CPLANE1: variants seen among roughly 807,000 people sequenced by gnomAD.
The protein encoded by CPLANE1 is ciliogenesis and planar polarity effector complex subunit 1, also known as ciliogenesis and planar polarity effector 1.
Under a neutral mutation model 362.5 loss-of-function variants are expected in CPLANE1, and 263 were observed. The observed-to-expected ratio is 0.73, with a 90% CI of 0.66 to 0.80. The LOEUF is 0.80. CPLANE1 is among the 30% of genes least tolerant of loss of function. The probability of loss-of-function intolerance (pLI) is 0.00; values close to 1 mark genes in which losing one functional copy is unlikely to be tolerated. For synonymous variants in CPLANE1, 1,212 were observed against 1,302.6 expected (o/e 0.93, Z 1.50); for missense variants, 3,461 against 3,793.4 (o/e 0.91, Z 2.30).
At chr5:37,212,235 A>C (rs553015240) in intron 16 of CPLANE1, 21 of 1,449,762 alleles carry the variant, frequency 1.4e-5, no homozygotes, top group Middle Eastern at 1.7e-4. Flanking sequence ...GAAATACATG[A>C]AAATCATCCA....
intron 47 of CPLANE1, among the ~76,000 whole-genome samples, 170 bp from the exon 48 acceptor site, chr5:37,122,658 T>G (rs57591687): frequency 0.016 from 2,360 of 152,218 alleles, 48 homozygotes; most frequent in African/African-American, 0.047. Flanking sequence ...GTAATTAAAG[T>G]AAAAACCAAT....
intron 34 of CPLANE1, among the ~76,000 whole-genome samples, chr5:37,167,726 T>C (rs1778666014): frequency 6.6e-6 from 1 of 152,164 alleles, no homozygotes. Context: ...TGCAGTGAGC[T>C]GAGATGGCGC....
chr5:37,116,619 CA>C (rs1368218243), intron 50 of CPLANE1, among the ~76,000 whole-genome samples: 70 of 138,474 alleles, frequency 5.1e-4, no homozygotes, highest in Admixed American at 6.6e-4. Context: ...TTCCTGTGTC[CA>C]AAAAAAAAAA....
chr5:37,245,121 G>A (rs1198812950), intron 4 of CPLANE1, among the ~76,000 whole-genome samples: 2 of 151,114 alleles, frequency 1.3e-5, no homozygotes, highest in East Asian at 3.9e-4. Flanking sequence ...TCCAGCCTGG[G>A]CGACAGAGCG....
intron 27 of CPLANE1, among the ~76,000 whole-genome samples, chr5:37,180,395 A>G (rs887242667): frequency 1.1e-4 from 16 of 152,268 alleles, no homozygotes; most frequent in African/African-American, 3.9e-4. Context: ...ATTCTGATAC[A>G]CAGAAGCTCA....
At chr5:37,099,980 G>C in the CPLANE1 span, among the ~76,000 whole-genome samples, 2 of 151,984 alleles carry the variant, frequency 1.3e-5, no homozygotes, top group Non-Finnish European at 2.9e-5. Flanking sequence ...TTGTAAATTT[G>C]TTTAAGTTTC....
intron 47 of CPLANE1, chr5:37,124,880 A>T: frequency 4.0e-6 from 4 of 1,011,256 alleles, no homozygotes; most frequent in Non-Finnish European, 3.5e-6. Context: ...GTGAGTTTTT[A>T]AAATGGCTTT....
chr5:37,161,805 A>C (rs1776916288), intron 38 of CPLANE1, among the ~76,000 whole-genome samples: 1 of 152,242 alleles, frequency 6.6e-6, no homozygotes, highest in Non-Finnish European at 1.5e-5. Flanking sequence ...GTTAATTTTC[A>C]TCTTCTTCAT....
intron 42 of CPLANE1, among the ~76,000 whole-genome samples, chr5:37,152,751 T>A (rs1275357677): frequency 6.6e-6 from 1 of 151,834 alleles, no homozygotes; most frequent in Admixed American, 6.6e-5. Flanking sequence ...TAGCTGAGAG[T>A]GGTGGTGCAC....
At chr5:37,139,780 G>T in intron 44 of CPLANE1, 1 of 861,356 alleles carries the variant, frequency 1.2e-6, no homozygotes, top group Non-Finnish European at 1.4e-6. Context: ...GAACTCCTGA[G>T]CTCAAGTGAT....
intron 51 of CPLANE1, among the ~76,000 whole-genome samples, chr5:37,111,126 C>A (rs1241774053): frequency 7.2e-6 from 1 of 139,512 alleles, no homozygotes. Flanking sequence ...ACTTTCTATT[C>A]TTTTTTTGTT....
intron 6 of CPLANE1, among the ~76,000 whole-genome samples, chr5:37,240,357 A>T (rs1304205458): frequency 6.6e-6 from 1 of 152,156 alleles, no homozygotes; most frequent in Non-Finnish European, 1.5e-5. Context: ...ATCAAAGAAA[A>T]AAAAGAAAGA....
At position 37,247,603 on chromosome 5, in the gene CPLANE1, T is replaced by C; in HGVS notation, c.81+15A>G. On this transcript the variant is annotated intron_variant, in intron 2 of 52. Coordinates refer to ENST00000651892, the MANE Select transcript of CPLANE1 (RefSeq NM_001384732.1). ...ATATATAAAACTGGTATTGCATGAA[T>C]AAAGAAAAACCTACCTTTCCCAACC... 6.5e-7 allele frequency: 1 copy of C among 1,548,536 alleles called. No homozygotes were observed. The highest frequency in any genetic ancestry group is 8.7e-7 in the Non-Finnish European group (1 of 1,145,132).
intron 21 of CPLANE1, among the ~76,000 whole-genome samples, chr5:37,190,735 A>G (rs1173696798): frequency 1.3e-5 from 2 of 152,208 alleles, no homozygotes; most frequent in Non-Finnish European, 2.9e-5. Flanking sequence ...TGGTGCACCC[A>G]TAAGATTATA....
chr5:37,131,253 A>AG (rs1391794717), intron 46 of CPLANE1, among the ~76,000 whole-genome samples: 1 of 152,128 alleles, frequency 6.6e-6, no homozygotes, highest in African/African-American at 2.4e-5. Context: ...CAAAATGAAA[A>AG]GAAAAAAAGC....
rs374005945 is a variant in CPLANE1, at chr5:37,125,308, T to C, written c.8894A>G (p.Tyr2965Cys). 24 of 1,613,972 alleles carry C rather than the reference T, an allele frequency of 1.5e-5. No homozygotes were observed. The East Asian group carries it at 2.2e-4, about 15-fold the overall frequency. ...TCTCTTTTCTGCCAGCTCATTTAAG[T>C]ACTTTGCCATTCTTTCTTTTCGTTT... ...KRKRKERMAK[Y>C]LNELAEKRGQ... Residue 2965 changes from tyrosine (Y) to cysteine (C), a missense_variant, in exon 47 of 53, where the codon TAC becomes TGC. By Grantham distance (194) the Tyr-to-Cys change is radical (BLOSUM62 -2). Coordinates refer to ENST00000651892, the MANE Select transcript of CPLANE1 (RefSeq NM_001384732.1).
At chr5:37,078,098 G>C in the CPLANE1 span, among the ~76,000 whole-genome samples, 6 of 152,144 alleles carry the variant, frequency 3.9e-5, no homozygotes, top group Admixed American at 3.9e-4. Flanking sequence ...GTGCAGGTTT[G>C]TTACATAGGT....
intron 18 of CPLANE1, among the ~76,000 whole-genome samples, chr5:37,202,384 C>T (rs1198960308): frequency 6.6e-6 from 1 of 152,100 alleles, no homozygotes; most frequent in African/African-American, 2.4e-5. Context: ...TCTTGAACTC[C>T]TGATCTCAGG....
chr5:37,078,089 T>C, the CPLANE1 span, among the ~76,000 whole-genome samples: 1 of 151,818 alleles, frequency 6.6e-6, no homozygotes, highest in East Asian at 1.9e-4. Flanking sequence ...ATGCAGGATG[T>C]GCAGGTTTGT....
Sources: gnomAD v4.1 joint callset for allele counts (sites outside exome capture counted in the v4.1 genomes callset) on GRCh38, gnomAD v4.1.1 for gene constraint, MANE v1.5 for transcripts, NCBI Gene and HGNC (gene_info 2026-07-23, HGNC 2026-07-21) for gene names.